Variants in GRM7 observed in about 807,000 individuals in gnomAD.
GRM7 encodes the protein metabotropic glutamate receptor 7.
Under a neutral mutation model 84.5 loss-of-function variants are expected in GRM7, and 35 were observed. The ratio of observed to expected loss-of-function variants is 0.41; its 90% confidence interval spans 0.32 to 0.55. GRM7 has a LOEUF of 0.55. Ranked by LOEUF, GRM7 falls within the 20% of genes least tolerant of loss-of-function variation. The probability of loss-of-function intolerance (pLI) is 0.19; values close to 1 mark genes in which losing one functional copy is unlikely to be tolerated. For synonymous variants in GRM7, 487 were observed against 455.1 expected (o/e 1.07, Z -0.89); for missense variants, 1,003 against 1,194.6 (o/e 0.84, Z 2.36).
At chr3:7,410,656 C>CACACACACACACACACACA (rs1553585549) in intron 4 of GRM7, among the ~76,000 whole-genome samples, 1 of 142,624 alleles carries the variant, frequency 7.0e-6, no homozygotes, top group African/African-American at 2.6e-5. Flanking sequence ...ACCACCACCA[C>CACACACACACACACACACA]CACACACACA....
intron 1 of GRM7, among the ~76,000 whole-genome samples, chr3:7,015,729 C>G (rs1046332855): frequency 5.3e-5 from 8 of 152,172 alleles, no homozygotes; most frequent in African/African-American, 1.9e-4. Flanking sequence ...AGCCCTCTTT[C>G]CCTGCCAGCT....
intron 7 of GRM7, among the ~76,000 whole-genome samples, chr3:7,522,642 C>A (rs1179133422): frequency 6.6e-6 from 1 of 152,150 alleles, no homozygotes; most frequent in African/African-American, 2.4e-5. Flanking sequence ...ACTTTCACTT[C>A]GTCTCAAGTT....
intron 9 of GRM7, chr3:7,680,713 C>G (rs1700332077): frequency 5.5e-6 from 1 of 182,266 alleles, no homozygotes; most frequent in Non-Finnish European, 1.1e-5. Context: ...AACTTTTTTC[C>G]TCTAGCATGT....
chr3:7,524,277 A>T (rs1255699474), intron 7 of GRM7, among the ~76,000 whole-genome samples: 2 of 150,354 alleles, frequency 1.3e-5, no homozygotes, highest in African/African-American at 4.9e-5. Flanking sequence ...ATCCAATTAA[A>T]CTAAAGAGCT....
chr3:7,173,998 A>C (rs181755588), intron 2 of GRM7, among the ~76,000 whole-genome samples: 33 of 152,312 alleles, frequency 2.2e-4, no homozygotes, highest in African/African-American at 7.9e-4. Context: ...CAAATTGCTG[A>C]ATTTCTGTTG....
chr3:7,519,321 C>T (rs1185711419), intron 7 of GRM7, among the ~76,000 whole-genome samples: 1 of 151,414 alleles, frequency 6.6e-6, no homozygotes, highest in Non-Finnish European at 1.5e-5. Context: ...GAGATAGCAC[C>T]ACTGCACTCC....
intron 1 of GRM7, among the ~76,000 whole-genome samples, chr3:7,023,970 G>A (rs1039979809): frequency 1.3e-5 from 2 of 152,152 alleles, no homozygotes; most frequent in African/African-American, 4.8e-5. Flanking sequence ...GGGTGATGGA[G>A]ACCAGGCCTG....
chr3:6,930,571 T>TA (rs1697466057), intron 1 of GRM7, among the ~76,000 whole-genome samples: 1 of 152,174 alleles, frequency 6.6e-6, no homozygotes. Flanking sequence ...GTTTAGCTCT[T>TA]ACTAAATTAT....
Position 7,664,618 on chromosome 3 carries a change from G to C in GRM7, c.2452-15431G>C, listed in dbSNP as rs150117888. Among the ~76,000 whole-genome samples the C allele has an allele frequency of 2.0e-5, 3 of 152,122 alleles. No homozygotes were observed. The East Asian group carries it at 5.8e-4, about 29-fold the overall frequency. On this transcript the variant is annotated intron_variant, in intron 8 of 9. Transcript: ENST00000357716. Reference sequence around the variant, plus strand: ...GGTGGTTTACTGCACCCATCAACCCGTCATCTACATTAGGTATTTCTCCTA... The same window carrying C: ...GGTGGTTTACTGCACCCATCAACCCCTCATCTACATTAGGTATTTCTCCTA...
At chr3:7,476,319 G>A (rs1054843629) in intron 7 of GRM7, among the ~76,000 whole-genome samples, 18 of 152,142 alleles carry the variant, frequency 1.2e-4, no homozygotes, top group African/African-American at 1.9e-4. Context: ...AGGCTGAAGC[G>A]GGAGGATAAC....
chr3:7,040,753 A>G (rs551165790), intron 1 of GRM7, among the ~76,000 whole-genome samples: 1 of 151,950 alleles, frequency 6.6e-6, no homozygotes, highest in South Asian at 2.1e-4. Context: ...CTTAGGTGCC[A>G]CTCCAAGTTC....
intron 1 of GRM7, among the ~76,000 whole-genome samples, chr3:6,984,071 C>G (rs762676550): frequency 1.3e-5 from 2 of 152,160 alleles, no homozygotes; most frequent in Non-Finnish European, 2.9e-5. Flanking sequence ...AGCTCACATA[C>G]TCAAAAACAT....
chr3:7,211,652 C>CAAAAAAAAAAAA lies in GRM7; in HGVS notation c.736+64989_736+65000dup, dbSNP rs370634134. Among the ~76,000 whole-genome samples the CAAAAAAAAAAAA allele has an allele frequency of 2.5e-3, 303 of 122,596 alleles. 1 individual carries two copies. The highest frequency in any genetic ancestry group is 9.3e-3 in the African/African-American group (277 of 29,930). 80.4% of individuals were successfully genotyped at this position (122,596 alleles called of 152,430 possible). Reference sequence around the variant, plus strand: ...AAAATTAGCTTTCTGTTCTCCCAACCAAAAAAAAAAAAAAAATCACACTGA... The same window carrying CAAAAAAAAAAAA: ...AAAATTAGCTTTCTGTTCTCCCAACCAAAAAAAAAAAAAAAAAAAAAAAAAAAATCACACTGA... On this transcript the variant is annotated intron_variant, in intron 2 of 9. Transcript: ENST00000357716.
chr3:6,980,501 T>C (rs567435066), intron 1 of GRM7, among the ~76,000 whole-genome samples: 1 of 152,338 alleles, frequency 6.6e-6, no homozygotes, highest in Admixed American at 6.5e-5. Context: ...TCTCTAGCTC[T>C]CCTCTGTGAA....
chr3:7,230,882 G>C (rs1338550647), intron 2 of GRM7, among the ~76,000 whole-genome samples: 1 of 152,148 alleles, frequency 6.6e-6, no homozygotes, highest in Non-Finnish European at 1.5e-5. Flanking sequence ...GTATATTCAT[G>C]AATCTTGGCA....
At chr3:7,259,700 T>G (rs1348828670) in intron 2 of GRM7, among the ~76,000 whole-genome samples, 1 of 152,202 alleles carries the variant, frequency 6.6e-6, no homozygotes, top group Non-Finnish European at 1.5e-5. Flanking sequence ...ATTGGGCATA[T>G]AAGTTGATTC....
intron 2 of GRM7, among the ~76,000 whole-genome samples, chr3:7,219,883 C>A (rs1696742851): frequency 6.6e-6 from 1 of 151,916 alleles, no homozygotes; most frequent in Non-Finnish European, 1.5e-5. Context: ...TCTTGTGGTG[C>A]TAGAAAGTTA....
At chr3:6,989,478 TA>T (rs1694552618) in intron 1 of GRM7, among the ~76,000 whole-genome samples, 1 of 152,246 alleles carries the variant, frequency 6.6e-6, no homozygotes, top group African/African-American at 2.4e-5. Context: ...TGTTTATGGC[TA>T]TCATATATAA....
chr3:7,267,148 G>A (rs1003749652), intron 2 of GRM7, among the ~76,000 whole-genome samples: 12 of 152,164 alleles, frequency 7.9e-5, no homozygotes, highest in African/African-American at 2.4e-4. Context: ...GGTGGAAATT[G>A]CTTCTCTGTA....
Sources: allele counts gnomAD v4.1 joint callset (sites outside exome capture counted in the v4.1 genomes callset), GRCh38; gene constraint gnomAD v4.1.1; transcripts MANE v1.5; gene names NCBI Gene and HGNC (gene_info 2026-07-23, HGNC 2026-07-21).